Variants in MIER1 observed in about 807,000 individuals in gnomAD.
MIER1 encodes mesoderm induction early response protein 1.
In MIER1, 40 loss-of-function variants were observed where a neutral mutation model predicts 75.7. That is an observed-to-expected ratio of 0.53 (90% CI 0.41 to 0.69). The LOEUF (loss-of-function observed/expected upper bound fraction) is 0.69. MIER1 is among the 30% of genes least tolerant of loss of function. The pLI, the probability that MIER1 is intolerant of heterozygous loss-of-function variation, is 0.00. For synonymous variants in MIER1, 213 were observed against 223.4 expected, an observed-to-expected ratio of 0.95 and a Z score of 0.42; for missense variants, 574 against 680.2, an observed-to-expected ratio of 0.84 and a Z score of 1.74.
chr1:66,929,246 T>A, intron 2 of MIER1: 1 of 366,990 alleles, frequency 2.7e-6, no homozygotes, highest in Non-Finnish European at 5.1e-6. Flanking sequence ...ATTCTCGTAT[T>A]TAAATGGTTG....
intron 4 of MIER1, among the ~76,000 whole-genome samples, chr1:66,956,232 G>C (rs557570338): frequency 4.2e-4 from 64 of 152,222 alleles, no homozygotes; most frequent in Admixed American, 2.4e-3. Context: ...GACCAGCCTG[G>C]GCAACATGGT....
chr1:66,983,183 A>G (rs1175943224), intron 13 of MIER1, among the ~76,000 whole-genome samples: 1 of 152,200 alleles, frequency 6.6e-6, no homozygotes, highest in African/African-American at 2.4e-5. Context: ...GGAACTTTTC[A>G]TCCCAATGTT....
chr1:66,944,519 C>T (rs1657023326), intron 3 of MIER1, among the ~76,000 whole-genome samples: 1 of 151,524 alleles, frequency 6.6e-6, no homozygotes, highest in Non-Finnish European at 1.5e-5. Flanking sequence ...TCTACTATTA[C>T]AAAGCTTGAC....
chr1:66,986,375 A>C lies in MIER1; in HGVS notation c.*1475A>C, dbSNP rs557134418. The C allele has an allele frequency of 6.2e-7, 1 of 1,603,768 alleles. No homozygotes were observed. The highest frequency in any genetic ancestry group is 1.3e-5 in the African/African-American group (1 of 74,468). On this transcript the variant is annotated 3_prime_UTR_variant, in exon 14 of 14. Transcript: ENST00000401041. ...ACCTATATCCAAACTTTTATAAAAT[A>C]TTAATTATTCTTGTTTTTCTCACAC... is the stretch of plus-strand genomic sequence containing the variant.
intron 3 of MIER1, among the ~76,000 whole-genome samples, chr1:66,945,302 TATATATATATATATAA>T (rs1293292802): frequency 1.5e-3 from 81 of 53,438 alleles, no homozygotes; most frequent in African/African-American, 4.0e-3. Flanking sequence ...TATATATATA[TATATATATATATATAA>T]AATACCTAAT....
chr1:66,938,045 G>A (rs1166901841), intron 2 of MIER1, among the ~76,000 whole-genome samples: 1 of 152,062 alleles, frequency 6.6e-6, no homozygotes, highest in Admixed American at 6.5e-5. Flanking sequence ...TGTTACCTTT[G>A]AACACTGGGT....
At chr1:66,959,778 A>T (rs757052823) in intron 7 of MIER1, 35 bp downstream of exon 7, 1 of 1,090,462 alleles carries the variant, frequency 9.2e-7, no homozygotes, top group South Asian at 1.8e-5. Flanking sequence ...AATTTAGATA[A>T]ATTAATATTT....
At chr1:66,965,467 TA>T (rs1662191466) in intron 8 of MIER1, among the ~76,000 whole-genome samples, 1 of 152,148 alleles carries the variant, frequency 6.6e-6, no homozygotes, top group Non-Finnish European at 1.5e-5. Context: ...ATGTTCGTAT[TA>T]TATATCAACA....
intron 13 of MIER1, 54 bp downstream of exon 13, chr1:66,981,972 C>G: frequency 1.3e-6 from 2 of 1,583,902 alleles, no homozygotes; most frequent in Non-Finnish European, 1.7e-6. Flanking sequence ...CACTTTCTTG[C>G]AGTGACTTGG....
chr1:66,985,511 T>C lies in MIER1; in HGVS notation c.*611T>C. On this transcript the variant is annotated 3_prime_UTR_variant, in exon 14 of 14. Coordinates refer to ENST00000401041, the MANE Select transcript of MIER1 (RefSeq NM_001077700.3). ...TGTAAAATTGTTGACATCAATGATG[T>C]CTTTCCATATTCTTATCTGGGCTTA... The C allele has an allele frequency of 2.0e-6, 2 of 984,058 alleles. No individual in the cohort carries two copies. Among genetic ancestry groups the C allele is most frequent in the Non-Finnish European group, 2.4e-6 (2 of 828,522 alleles). The allele number at this position is 984,058 out of a possible 1,614,324, so 61.0% of individuals were successfully genotyped here.
intron 10 of MIER1, 68 bp from the exon 11 acceptor site, chr1:66,972,827 ATT>A (rs1663971474): frequency 1.3e-6 from 1 of 785,810 alleles, no homozygotes; most frequent in East Asian, 2.6e-5. Context: ...TTAAGTTTTC[ATT>A]TGTAATTTTG....
intron 9 of MIER1, among the ~76,000 whole-genome samples, chr1:66,971,263 C>G (rs1663548364): frequency 6.6e-6 from 1 of 152,062 alleles, no homozygotes; most frequent in Admixed American, 6.6e-5. Context: ...CTCGGATTAT[C>G]TTATGTACAT....
At chr1:66,925,209 C>T (rs893519823) in intron 1 of MIER1, 114 bp downstream of exon 1, 30 of 1,404,890 alleles carry the variant, frequency 2.1e-5, no homozygotes, top group African/African-American at 3.0e-5. Context: ...GGCAGTGTAC[C>T]GCCCGGAAGA....
chr1:66,963,280 T>G (rs568361464), intron 8 of MIER1, 120 bp downstream of exon 8: 12 of 611,298 alleles, frequency 2.0e-5, no homozygotes, highest in Non-Finnish European at 3.2e-5. Context: ...TGTAACCCCA[T>G]TGGTTTGTGA....
intron 8 of MIER1, among the ~76,000 whole-genome samples, chr1:66,967,439 G>A (rs537849821): frequency 6.6e-6 from 1 of 152,258 alleles, no homozygotes; most frequent in South Asian, 2.1e-4. Context: ...GATTCCTCCA[G>A]TTTTGTTCTT....
At chr1:66,933,778 A>C (rs968657096) in intron 2 of MIER1, among the ~76,000 whole-genome samples, 6 of 152,216 alleles carry the variant, frequency 3.9e-5, no homozygotes, top group Non-Finnish European at 8.8e-5. Flanking sequence ...TTGGCAGTTA[A>C]GAGTTAGGGT....
intron 8 of MIER1, among the ~76,000 whole-genome samples, chr1:66,968,009 T>C (rs1238499504): frequency 6.6e-6 from 1 of 152,210 alleles, no homozygotes; most frequent in South Asian, 2.1e-4. Context: ...CTAATTGTTC[T>C]GATTTTTTCA....
At chr1:66,964,233 A>G (rs1265035315) in intron 8 of MIER1, among the ~76,000 whole-genome samples, 1 of 150,892 alleles carries the variant, frequency 6.6e-6, no homozygotes, top group East Asian at 2.0e-4. Flanking sequence ...CACCACGCCC[A>G]GCTAATTTTT....
intron 8 of MIER1, among the ~76,000 whole-genome samples, chr1:66,968,949 TAC>T (rs1471005182): frequency 2.0e-5 from 3 of 152,202 alleles, no homozygotes; most frequent in Non-Finnish European, 4.4e-5. Flanking sequence ...TGGCCTTGTC[TAC>T]CCCAAAGATC....
Sources: gnomAD v4.1 joint callset for allele counts (sites outside exome capture counted in the v4.1 genomes callset) on GRCh38, gnomAD v4.1.1 for gene constraint, MANE v1.5 for transcripts, NCBI Gene and HGNC (gene_info 2026-07-23, HGNC 2026-07-21) for gene names.